SNX29: variants seen among roughly 807,000 people sequenced by gnomAD.
SNX29 encodes sorting nexin 29, also known as sorting nexin-29.
A neutral mutation model predicts 102.1 loss-of-function variants in SNX29; 78 were observed. The ratio of observed to expected loss-of-function variants is 0.76; its 90% confidence interval spans 0.64 to 0.92. The LOEUF (loss-of-function observed/expected upper bound fraction) is 0.92. Ranked by LOEUF, SNX29 falls within the 40% of genes least tolerant of loss-of-function variation. The pLI is 0.00. For synonymous variants in SNX29, 580 were observed against 414.5 expected, an observed-to-expected ratio of 1.40 and a Z score of -4.85; for missense variants, 1,280 against 1,061.7, an observed-to-expected ratio of 1.21 and a Z score of -2.86.
chr16:12,549,799 T>G (rs184675308), intron 20 of SNX29, among the ~76,000 whole-genome samples: 1 of 152,370 alleles, frequency 6.6e-6, no homozygotes, highest in African/African-American at 2.4e-5. Flanking sequence ...ACAAGGCCCA[T>G]CATGGCTTCT....
intron 17 of SNX29, among the ~76,000 whole-genome samples, chr16:12,402,654 A>C (rs1465927958): frequency 6.6e-6 from 1 of 152,208 alleles, no homozygotes; most frequent in African/African-American, 2.4e-5. Flanking sequence ...ACATAACCAA[A>C]ATATCTGTTA....
intron 18 of SNX29, among the ~76,000 whole-genome samples, chr16:12,460,253 C>A (rs564966412): frequency 1.7e-4 from 26 of 152,320 alleles, no homozygotes; most frequent in African/African-American, 5.8e-4. Context: ...CTGAAACTTT[C>A]CTTCAGAGGG....
chr16:12,458,853 G>C (rs774398890), intron 18 of SNX29, among the ~76,000 whole-genome samples: 3 of 152,204 alleles, frequency 2.0e-5, no homozygotes, highest in Non-Finnish European at 4.4e-5. Context: ...AAACTACCCA[G>C]ATACTGGCCC....
intron 14 of SNX29, among the ~76,000 whole-genome samples, chr16:12,258,267 C>T (rs1249490906): frequency 2.0e-5 from 3 of 152,238 alleles, no homozygotes; most frequent in Non-Finnish European, 2.9e-5. Flanking sequence ...CCTGTCACCT[C>T]GTCTCTGTGT....
chr16:12,334,538 C>A (rs2081388247), intron 15 of SNX29, among the ~76,000 whole-genome samples: 1 of 152,198 alleles, frequency 6.6e-6, no homozygotes, highest in Non-Finnish European at 1.5e-5. Flanking sequence ...TCCTTCCCCG[C>A]AAACATTATG....
chr16:12,493,348 G>T (rs2088647686), intron 19 of SNX29, among the ~76,000 whole-genome samples: 3 of 151,968 alleles, frequency 2.0e-5, no homozygotes, highest in Admixed American at 1.3e-4. Flanking sequence ...TCTGTTATTG[G>T]TATATAAGAA....
intron 11 of SNX29, among the ~76,000 whole-genome samples, chr16:12,085,149 AG>A (rs2052100907): frequency 6.6e-6 from 1 of 151,904 alleles, no homozygotes; most frequent in Non-Finnish European, 1.5e-5. Context: ...CCTTGTCTGA[AG>A]TCACCCGCAT....
chr16:12,541,786 G>A (rs1462578197), intron 20 of SNX29, among the ~76,000 whole-genome samples: 1 of 152,090 alleles, frequency 6.6e-6, no homozygotes, highest in African/African-American at 2.4e-5. Flanking sequence ...CAACCCCCTG[G>A]AATGGAAAGG....
In SNX29 at chr16:12,117,251, G is replaced by A. The variant is rs375968064; in HGVS notation, c.1403-9382G>A. Among the ~76,000 whole-genome samples the A allele has an allele frequency of 8.7e-4, 113 of 130,160 alleles. 1 individual carries two copies. Among genetic ancestry groups the A allele is most frequent in the African/African-American group, 2.4e-3 (83 of 34,248 alleles). The allele number at this position is 130,160 out of a possible 152,430, so 85.4% of individuals were successfully genotyped here. A position where few individuals can be genotyped will look rare whatever the true frequency, so the allele number is the denominator to read the frequency against. On this transcript the variant is annotated intron_variant, in intron 11 of 20. Coordinates refer to ENST00000566228, the MANE Select transcript of SNX29 (RefSeq NM_032167.5). ...ATACGTGCTTCAATGCGGACGAACC[G>A]TGGAAACAGGCGTGGTCAATACGTG...
chr16:12,447,369 G>A (rs114315779), intron 18 of SNX29, among the ~76,000 whole-genome samples: 96 of 151,968 alleles, frequency 6.3e-4, no homozygotes, highest in African/African-American at 2.2e-3. Context: ...TGTTGTTAGC[G>A]GAATTCTAAA....
chr16:12,187,817 CAT>C (rs1488962174), intron 13 of SNX29, among the ~76,000 whole-genome samples: 5 of 152,092 alleles, frequency 3.3e-5, no homozygotes, highest in African/African-American at 4.8e-5. Context: ...CACTGGCTTC[CAT>C]GGAAGCCCAG....
rs751504803 is a variant in SNX29 at position 12,309,349 on chromosome 16, C to G, written c.1782+31313C>G. ...CAATGCAACAGTAGCCTAAAACCTG[C>G]GAGGGCTCACTGCTGAAGGCAGTGC... On this transcript the variant is annotated intron_variant, in intron 15 of 20. Coordinates refer to ENST00000566228, the MANE Select transcript of SNX29 (RefSeq NM_032167.5). Among the ~76,000 whole-genome samples, 2 of 152,164 alleles carry G rather than the reference C, an allele frequency of 1.3e-5. 1 individual carries two copies. Among genetic ancestry groups the G allele is most frequent in the African/African-American group, 4.8e-5 (2 of 41,426 alleles).
At chr16:12,557,692 G>C (rs1297182191) in intron 20 of SNX29, 2 of 152,200 alleles carry the variant, frequency 1.3e-5, no homozygotes, top group Non-Finnish European at 1.5e-5. Context: ...TGGCAGTGCA[G>C]TAGGCTCGTT....
chr16:12,100,549 C>A (rs763948507), intron 11 of SNX29, among the ~76,000 whole-genome samples: 1 of 152,020 alleles, frequency 6.6e-6, no homozygotes. Flanking sequence ...GTGTCCAGAT[C>A]GGGCTGTCTG....
chr16:12,474,276 G>C (rs1275366913), intron 18 of SNX29, among the ~76,000 whole-genome samples: 2 of 152,186 alleles, frequency 1.3e-5, no homozygotes, highest in Admixed American at 6.5e-5. Flanking sequence ...GCCTGGGATA[G>C]GACTCAACAC....
intron 15 of SNX29, among the ~76,000 whole-genome samples, chr16:12,355,071 C>G (rs2082093020): frequency 6.6e-6 from 1 of 152,104 alleles, no homozygotes; most frequent in Non-Finnish European, 1.5e-5. Context: ...CCTTGTATTT[C>G]AGATGAAGAA....
intron 11 of SNX29, among the ~76,000 whole-genome samples, chr16:12,090,814 A>C (rs2052488122): frequency 6.6e-6 from 1 of 152,118 alleles, no homozygotes; most frequent in South Asian, 2.1e-4. Flanking sequence ...CAGGAGTTCA[A>C]GACCAGCCTG....
chr16:12,149,474 T>C (rs557057633), intron 13 of SNX29, among the ~76,000 whole-genome samples: 1 of 152,308 alleles, frequency 6.6e-6, no homozygotes, highest in South Asian at 2.1e-4. Context: ...ATTCACTTGT[T>C]TTGTTACCCG....
intron 16 of SNX29, among the ~76,000 whole-genome samples, chr16:12,366,781 TTCTC>T (rs765960548): frequency 6.6e-6 from 1 of 152,102 alleles, no homozygotes; most frequent in Non-Finnish European, 1.5e-5. Flanking sequence ...TTTTGTGTCT[TTCTC>T]TCCCTCTCTC....
Sources: gnomAD v4.1 joint callset for allele counts (sites outside exome capture counted in the v4.1 genomes callset) on GRCh38, gnomAD v4.1.1 for gene constraint, MANE v1.5 for transcripts, NCBI Gene and HGNC (gene_info 2026-07-23, HGNC 2026-07-21) for gene names.